CREB5: variants seen among roughly 807,000 people sequenced by gnomAD.
CREB5 encodes cAMP responsive element binding protein 5.
A neutral mutation model predicts 57.1 loss-of-function variants in CREB5; 19 were observed. That is an observed-to-expected ratio of 0.33 (90% CI 0.23 to 0.49). The LOEUF (loss-of-function observed/expected upper bound fraction) is 0.49, where lower values mean the gene tolerates loss of function less well. Among genes scored for constraint, CREB5 ranks in the 20% least tolerant of loss-of-function variants. The pLI, the probability that CREB5 is intolerant of heterozygous loss-of-function variation, is 0.99. For synonymous variants in CREB5, 238 were observed against 238.3 expected (o/e 1.00, Z 0.01); for missense variants, 579 against 671.6 (o/e 0.86, Z 1.52).
intron 5 of CREB5, among the ~76,000 whole-genome samples, chr7:28,601,435 G>A (rs914096761): frequency 3.3e-5 from 5 of 152,124 alleles, no homozygotes; most frequent in Non-Finnish European, 5.9e-5. Context: ...AGCCCCTCAG[G>A]TTTGAATCCC....
intron 1 of CREB5, among the ~76,000 whole-genome samples, chr7:28,324,081 C>T (rs1349739484): frequency 6.6e-6 from 1 of 152,132 alleles, no homozygotes; most frequent in African/African-American, 2.4e-5. Flanking sequence ...GCTTTGGTCA[C>T]TCGCCCACCG....
Position 28,605,146 on chromosome 7 carries a change from T to C in CREB5, c.464+34609T>C, listed in dbSNP as rs551518238. On this transcript the variant is annotated intron_variant, in intron 5 of 10. Coordinates refer to ENST00000357727, the MANE Select transcript of CREB5 (RefSeq NM_182898.4). Reference sequence around the variant, plus strand: ...GGGTTCTTGTAACACTGAAATGACTTACGTAGAGAAGACCATGTCTATAAA... The same window carrying C: ...GGGTTCTTGTAACACTGAAATGACTCACGTAGAGAAGACCATGTCTATAAA... Among the ~76,000 whole-genome samples the C allele has an allele frequency of 1.2e-4, 18 of 152,288 alleles. No homozygotes were observed. In the South Asian group the frequency reaches 3.7e-3, roughly 32 times the overall value.
At chr7:28,507,996 CA>C (rs1394351073) in intron 4 of CREB5, among the ~76,000 whole-genome samples, 5 of 152,102 alleles carry the variant, frequency 3.3e-5, no homozygotes, top group Non-Finnish European at 5.9e-5. Context: ...TATTTAATAG[CA>C]AACCTTTTGT....
At chr7:28,718,302 A>C (rs1802815733) in intron 5 of CREB5, among the ~76,000 whole-genome samples, 1 of 152,250 alleles carries the variant, frequency 6.6e-6, no homozygotes, top group African/African-American at 2.4e-5. Context: ...CTGAAAATCC[A>C]GAGAGTGAAA....
chr7:28,761,660 A>G (rs1805662278), intron 7 of CREB5, among the ~76,000 whole-genome samples: 1 of 152,012 alleles, frequency 6.6e-6, no homozygotes, highest in African/African-American at 2.4e-5. Flanking sequence ...TATAGCTAAC[A>G]TTTTGTGACT....
chr7:28,439,324 C>T (rs1328477284), intron 1 of CREB5, among the ~76,000 whole-genome samples: 2 of 152,180 alleles, frequency 1.3e-5, no homozygotes, highest in Non-Finnish European at 2.9e-5. Flanking sequence ...GATTCCTCTC[C>T]ATGTATACTT....
At chr7:28,372,955 C>T (rs1241348836) in intron 1 of CREB5, among the ~76,000 whole-genome samples, 9 of 152,126 alleles carry the variant, frequency 5.9e-5, no homozygotes, top group African/African-American at 1.4e-4. Flanking sequence ...TGTGGTGCGG[C>T]GGGGATGGTG....
intron 1 of CREB5, among the ~76,000 whole-genome samples, chr7:28,339,429 T>G (rs991568836): frequency 1.4e-4 from 21 of 152,334 alleles, no homozygotes; most frequent in Admixed American, 4.6e-4. Flanking sequence ...GAGAATTCTC[T>G]GGATTACCAG....
At position 28,726,443 on chromosome 7, in the gene CREB5, T is replaced by C. The variant is rs115805147; in HGVS notation, c.702+2111T>C. ...GCATTTTTACTGGAGAAATCAGTTA[T>C]TGCCATATACTAACCATATAGTATT... On this transcript the variant is annotated intron_variant, in intron 7 of 10. Coordinates refer to ENST00000357727, the MANE Select transcript of CREB5 (RefSeq NM_182898.4). Among the ~76,000 whole-genome samples, 1,466 of 152,284 alleles carry C rather than the reference T, an allele frequency of 9.6e-3. 37 individuals carry two copies. The highest frequency in any genetic ancestry group is 0.033 in the African/African-American group (1,372 of 41,562).
intron 3 of CREB5, among the ~76,000 whole-genome samples, chr7:28,500,829 C>G (rs532555715): frequency 1.6e-4 from 24 of 152,190 alleles, no homozygotes; most frequent in Admixed American, 7.8e-4. Context: ...ATAAATCACA[C>G]GCACACACAC....
chr7:28,319,387 A>AT (rs1785446623), intron 1 of CREB5, among the ~76,000 whole-genome samples: 1 of 152,158 alleles, frequency 6.6e-6, no homozygotes, highest in Non-Finnish European at 1.5e-5. Context: ...TTACCCCTCA[A>AT]TGTTGGCAAG....
At chr7:28,528,973 T>C (rs959389986) in intron 4 of CREB5, among the ~76,000 whole-genome samples, 2 of 152,160 alleles carry the variant, frequency 1.3e-5, no homozygotes, top group Non-Finnish European at 2.9e-5. Context: ...AGAACATCAA[T>C]TGACTTTGCA....
At chr7:28,737,559 AT>A (rs1562606517) in intron 7 of CREB5, among the ~76,000 whole-genome samples, 4,318 of 108,570 alleles carry the variant, frequency 0.04, 214 homozygotes, top group Non-Finnish European at 0.071. Flanking sequence ...ATATATATAT[AT>A]ATATATATAT....
intron 1 of CREB5, among the ~76,000 whole-genome samples, chr7:28,470,707 G>T (rs756677690): frequency 6.6e-6 from 1 of 152,276 alleles, no homozygotes; most frequent in Middle Eastern, 3.4e-3. Flanking sequence ...GTGTATGAGG[G>T]TTCCCTTTAC....
At chr7:28,725,920 A>T (rs1803312014) in intron 7 of CREB5, among the ~76,000 whole-genome samples, 1 of 152,140 alleles carries the variant, frequency 6.6e-6, no homozygotes, top group South Asian at 2.1e-4. Context: ...TTTTCACTGG[A>T]TTTTATGCCA....
At chr7:28,787,134 C>T (rs1807376683) in intron 7 of CREB5, among the ~76,000 whole-genome samples, 1 of 152,032 alleles carries the variant, frequency 6.6e-6, no homozygotes, top group Non-Finnish European at 1.5e-5. Context: ...AGCACCTGTC[C>T]CCAGCTGAGA....
chr7:28,522,390 G>GTTTTTTTTTTT (rs11291433), intron 4 of CREB5, among the ~76,000 whole-genome samples: 4 of 97,606 alleles, frequency 4.1e-5, no homozygotes, highest in Non-Finnish European at 6.2e-5. Context: ...CCTGCTCTTT[G>GTTTTTTTTTTT]TTTTTTTTTT....
intron 5 of CREB5, among the ~76,000 whole-genome samples, chr7:28,635,754 T>C (rs1171253571): frequency 2.6e-5 from 4 of 152,246 alleles, no homozygotes; most frequent in Non-Finnish European, 5.9e-5. Flanking sequence ...GACCTTTTCA[T>C]TCATTTACTC....
intron 1 of CREB5, among the ~76,000 whole-genome samples, chr7:28,383,007 A>G (rs1056037414): frequency 3.3e-5 from 5 of 152,276 alleles, no homozygotes; most frequent in African/African-American, 1.2e-4. Context: ...AACAAGGCAG[A>G]GGGATTTATA....
Sources: gnomAD v4.1 joint callset for allele counts (sites outside exome capture counted in the v4.1 genomes callset) on GRCh38, gnomAD v4.1.1 for gene constraint, MANE v1.5 for transcripts, NCBI Gene and HGNC (gene_info 2026-07-23, HGNC 2026-07-21) for gene names.